ADARB2: variants seen among roughly 807,000 people sequenced by gnomAD.
ADARB2 encodes inactive double-stranded RNA-specific editase B2.
Under a neutral mutation model 62.2 loss-of-function variants are expected in ADARB2, and 25 were observed. The ratio of observed to expected loss-of-function variants is 0.40; its 90% CI spans 0.29 to 0.56. The LOEUF (loss-of-function observed/expected upper bound fraction) is 0.56. Among genes scored for constraint, ADARB2 ranks in the 20% least tolerant of loss-of-function variants. ADARB2 has a pLI of 0.43. For synonymous variants in ADARB2, 572 were observed against 500.8 expected, an observed-to-expected ratio of 1.14 and a Z score of -1.90; for missense variants, 1,071 against 1,077.4, an observed-to-expected ratio of 0.99 and a Z score of 0.08.
intron 1 of ADARB2, among the ~76,000 whole-genome samples, chr10:1,681,166 C>T (rs965297533): frequency 3.9e-5 from 6 of 152,192 alleles, no homozygotes; most frequent in South Asian, 2.1e-4. Flanking sequence ...AAGCTACCTC[C>T]GCCTGCAGAC....
intron 1 of ADARB2, among the ~76,000 whole-genome samples, chr10:1,616,021 C>A (rs566880501): frequency 1.2e-4 from 18 of 152,332 alleles, no homozygotes; most frequent in South Asian, 6.2e-4. Flanking sequence ...GAGGAGATGG[C>A]AAAGTGGATC....
intron 4 of ADARB2, among the ~76,000 whole-genome samples, chr10:1,265,816 G>T (rs1336210025): frequency 1.5e-5 from 2 of 136,884 alleles, no homozygotes; most frequent in Non-Finnish European, 3.2e-5. Context: ...GGCCTGAGAG[G>T]GGGGCCCAGG....
intron 1 of ADARB2, among the ~76,000 whole-genome samples, chr10:1,384,205 T>G (rs1418323475): frequency 6.6e-6 from 1 of 152,212 alleles, no homozygotes; most frequent in Non-Finnish European, 1.5e-5. Context: ...CAGAGGAACA[T>G]TCCCTCATTG....
chr10:1,593,016 C>T (rs1399998901), intron 1 of ADARB2, among the ~76,000 whole-genome samples: 33 of 91,078 alleles, frequency 3.6e-4, no homozygotes, highest in Non-Finnish European at 3.6e-4. Context: ...CAGCTTCCCT[C>T]ACCCAAGCCA....
intron 1 of ADARB2, among the ~76,000 whole-genome samples, chr10:1,406,368 G>T (rs538763400): frequency 1.3e-5 from 2 of 152,316 alleles, no homozygotes; most frequent in South Asian, 4.1e-4. Context: ...TTTCCATCCA[G>T]CTCTAAAGCC....
chr10:1,577,194 TGC>T (rs1273181991), intron 1 of ADARB2, among the ~76,000 whole-genome samples: 6 of 150,874 alleles, frequency 4.0e-5, no homozygotes, highest in Non-Finnish European at 5.9e-5. Flanking sequence ...GATACCCTCA[TGC>T]ACACAGGTGG....
rs1372763154 is a variant in ADARB2 at position 1,737,189 on chromosome 10, C to T, written c.-39G>A. 1.9e-6 allele frequency: 3 copies of T among 1,581,406 alleles called. No homozygotes were observed. The highest frequency in any genetic ancestry group is 2.2e-5 in the East Asian group (1 of 44,762). ...GCGCGGAGCCCAGAGCCGCCTCCCT[C>T]CTGCACCTGCACCTGCCTCCTTCCC... is the stretch of plus-strand genomic sequence containing the variant. On this transcript the variant is annotated 5_prime_UTR_variant, in exon 1 of 10. Transcript: ENST00000381312.
At chr10:1,319,186 A>G (rs930039758) in intron 3 of ADARB2, among the ~76,000 whole-genome samples, 11 of 152,226 alleles carry the variant, frequency 7.2e-5, no homozygotes, top group African/African-American at 2.7e-4. Flanking sequence ...AGCATATAGT[A>G]TAAGAGCAGG....
intron 1 of ADARB2, among the ~76,000 whole-genome samples, chr10:1,471,014 G>A (rs1831314987): frequency 6.6e-6 from 1 of 152,092 alleles, no homozygotes; most frequent in Admixed American, 6.6e-5. Flanking sequence ...AGCCAAGATG[G>A]CGCCACTGCA....
chr10:1,320,017 G>A (rs183226403), intron 3 of ADARB2, among the ~76,000 whole-genome samples: 18 of 152,294 alleles, frequency 1.2e-4, no homozygotes, highest in African/African-American at 4.1e-4. Flanking sequence ...ACCCTCTACA[G>A]CATTGGGGCT....
At chr10:1,661,757 C>T (rs1293335005) in intron 1 of ADARB2, among the ~76,000 whole-genome samples, 1 of 152,192 alleles carries the variant, frequency 6.6e-6, no homozygotes, top group Non-Finnish European at 1.5e-5. Flanking sequence ...CACAATCACT[C>T]CCATTGCACA....
At chr10:1,665,309 G>A (rs374429989) in intron 1 of ADARB2, among the ~76,000 whole-genome samples, 31 of 152,394 alleles carry the variant, frequency 2.0e-4, no homozygotes, top group African/African-American at 7.2e-4. Context: ...CATTGGAAAT[G>A]CACGTGAGTG....
intron 1 of ADARB2, among the ~76,000 whole-genome samples, chr10:1,674,588 T>A (rs568290538): frequency 7.9e-5 from 12 of 152,168 alleles, no homozygotes; most frequent in Non-Finnish European, 1.8e-4. Flanking sequence ...GTTACTCCTG[T>A]CAAGCCCTTT....
In ADARB2 at chr10:1,234,355, C is replaced by A. The variant is rs74401641; in HGVS notation, c.1362-510G>T. Among the ~76,000 whole-genome samples the A allele has an allele frequency of 3.3e-4, 50 of 152,240 alleles. No homozygotes were observed. In the East Asian group the frequency reaches 8.9e-3, roughly 27 times the overall value. ...CCTGTACCAACACTTCTAGAACAGG[C>A]AGCAATGAAACTACGTGAATGCGAA... On this transcript the variant is annotated intron_variant, in intron 5 of 9. Coordinates refer to ENST00000381312, the MANE Select transcript of ADARB2 (RefSeq NM_018702.4).
chr10:1,202,717 C>T (rs951038505), intron 7 of ADARB2, among the ~76,000 whole-genome samples: 3 of 152,284 alleles, frequency 2.0e-5, no homozygotes, highest in Non-Finnish European at 2.9e-5. Flanking sequence ...ACTGTTAGTG[C>T]GTCTTAAAAT....
intron 1 of ADARB2, among the ~76,000 whole-genome samples, chr10:1,447,420 G>GT (rs1286339837): frequency 7.9e-5 from 12 of 152,194 alleles, no homozygotes; most frequent in Admixed American, 6.5e-5. Flanking sequence ...GCTCTCAGGT[G>GT]TGGGGAGAAA....
intron 3 of ADARB2, among the ~76,000 whole-genome samples, chr10:1,335,126 T>C (rs1404249958): frequency 6.6e-6 from 1 of 152,052 alleles, no homozygotes; most frequent in Non-Finnish European, 1.5e-5. Context: ...GGCAATGGGT[T>C]TGTCTTATTT....
intron 1 of ADARB2, among the ~76,000 whole-genome samples, chr10:1,558,668 A>G (rs2813360): frequency 0.66 from 6,717 of 10,142 alleles, 1,793 homozygotes; most frequent in Non-Finnish European, 0.71. Flanking sequence ...CAGCACCCCC[A>G]TGCCCCATCT....
At chr10:1,658,402 C>T (rs1834200507) in intron 1 of ADARB2, among the ~76,000 whole-genome samples, 1 of 152,060 alleles carries the variant, frequency 6.6e-6, no homozygotes, top group African/African-American at 2.4e-5. Context: ...CTTTCTCTGT[C>T]TCTATCTGAT....
Sources: allele counts gnomAD v4.1 joint callset (sites outside exome capture counted in the v4.1 genomes callset), GRCh38; gene constraint gnomAD v4.1.1; transcripts MANE v1.5; gene names NCBI Gene and HGNC (gene_info 2026-07-23, HGNC 2026-07-21).